Variants in CEP63 observed in about 807,000 individuals in gnomAD.
The protein encoded by CEP63 is centrosomal protein 63.
Under a neutral mutation model 89.1 loss-of-function variants are expected in CEP63, and 84 were observed. The observed-to-expected ratio is 0.94, with a 90% CI of 0.79 to 1.13. CEP63 has a LOEUF of 1.13. Ranked by LOEUF, CEP63 falls within the 50% of genes most tolerant of loss-of-function variation. The pLI, the probability that CEP63 is intolerant of heterozygous loss-of-function variation, is 0.00. For missense variants in CEP63, 838 were observed against 813.3 expected, an observed-to-expected ratio of 1.03 and a Z score of -0.37; for synonymous variants, 267 against 272.5, an observed-to-expected ratio of 0.98 and a Z score of 0.20.
chr3:134,579,160 G>A (rs1461414315), downstream of CEP63, among the ~76,000 whole-genome samples: 2 of 152,214 alleles, frequency 1.3e-5, no homozygotes, highest in African/African-American at 2.4e-5. Flanking sequence ...AACACATAGT[G>A]TGATTTCATG....
chr3:134,518,880 T>C (rs1946803690), intron 3 of CEP63, among the ~76,000 whole-genome samples: 1 of 151,690 alleles, frequency 6.6e-6, no homozygotes, highest in Non-Finnish European at 1.5e-5. Context: ...TCGAAAAAAA[T>C]TAATTAAATT....
chr3:134,532,634 T>C lies in CEP63; in HGVS notation c.319-144T>C, dbSNP rs184065397. ...TTGTTTTACATATTTAATTTTTAGT[T>C]TCCTTTTGTGTTTTAGTTTGGAAAT... On this transcript the variant is annotated intron_variant, in intron 4 of 14. Transcript: ENST00000675561. 2.5e-4 allele frequency: 150 copies of C among 601,450 alleles called. No homozygotes were observed. In the African/African-American group the frequency reaches 2.7e-3, roughly 11 times the overall value. 37.3% of individuals were successfully genotyped at this position (601,450 alleles called of 1,614,324 possible).
At chr3:134,716,311 T>A in the CEP63 span, among the ~76,000 whole-genome samples, 1 of 152,196 alleles carries the variant, frequency 6.6e-6, no homozygotes. Flanking sequence ...GATGCTCATA[T>A]TGTCAAGTGT....
At chr3:134,487,037 C>G (rs1435867900) in intron 1 of CEP63, among the ~76,000 whole-genome samples, 1 of 152,140 alleles carries the variant, frequency 6.6e-6, no homozygotes, top group Non-Finnish European at 1.5e-5. Flanking sequence ...CGCTGATATG[C>G]ACAGAGTAGT....
intron 3 of CEP63, among the ~76,000 whole-genome samples, chr3:134,513,783 C>T (rs1235502268): frequency 6.6e-6 from 1 of 152,108 alleles, no homozygotes; most frequent in Non-Finnish European, 1.5e-5. Flanking sequence ...CTTCAAACAT[C>T]TAAATCCCTG....
At chr3:134,753,548 C>T in the CEP63 span, among the ~76,000 whole-genome samples, 3 of 152,332 alleles carry the variant, frequency 2.0e-5, no homozygotes, top group Non-Finnish European at 2.9e-5. Flanking sequence ...GGGCCCATCA[C>T]CTAGAGCATA....
the CEP63 span, among the ~76,000 whole-genome samples, chr3:134,756,600 C>T: frequency 6.6e-6 from 1 of 152,160 alleles, no homozygotes; most frequent in African/African-American, 2.4e-5. Flanking sequence ...GTGATCTGCC[C>T]ACCTTGGCCT....
chr3:134,618,948 G>A, the CEP63 span, among the ~76,000 whole-genome samples: 2 of 152,270 alleles, frequency 1.3e-5, no homozygotes, highest in African/African-American at 2.4e-5. Flanking sequence ...AATGCATCGC[G>A]AAGCCCGGCA....
At chr3:134,578,335 T>TGTTTG (rs1560077868), downstream of CEP63, among the ~76,000 whole-genome samples, 2 of 30,520 alleles carry the variant, frequency 6.6e-5, no homozygotes, top group South Asian at 1.1e-3. Context: ...TTTTTTTTTT[T>TGTTTG]TTTTTTTTTT....
chr3:134,665,135 T>G, the CEP63 span, among the ~76,000 whole-genome samples: 1 of 152,222 alleles, frequency 6.6e-6, no homozygotes, highest in Non-Finnish European at 1.5e-5. Context: ...CACTCCAGAC[T>G]GGCTTCTTCT....
In CEP63 at chr3:134,513,586, CATT is replaced by C. The variant is rs201995417; in HGVS notation, c.222+6305_222+6307del. Reference sequence around the variant, plus strand: ...GGGAGGTGTGTCCAGGGTTTGGGGCCATTATTAACTGAAAATAAAGAAGGCAGC... The same window carrying C: ...GGGAGGTGTGTCCAGGGTTTGGGGCCATTAACTGAAAATAAAGAAGGCAGC... On this transcript the variant is annotated intron_variant, in intron 3 of 14. Transcript: ENST00000675561. Among the ~76,000 whole-genome samples the C allele has an allele frequency of 5.9e-3, 901 of 152,052 alleles. 21 individuals are homozygous for C. The South Asian group carries it at 0.074, about 12-fold the overall frequency.
At position 134,564,807 on chromosome 3, in the gene CEP63, A is replaced by G; in HGVS notation, c.*3272A>G. 1 of 985,350 alleles carries G rather than the reference A, an allele frequency of 1.0e-6. No individual in the cohort carries two copies. The highest frequency in any genetic ancestry group is 4.7e-5 in the South Asian group (1 of 21,286). 61.0% of individuals were successfully genotyped at this position (985,350 alleles called of 1,614,324 possible). On this transcript the variant is annotated 3_prime_UTR_variant, in exon 15 of 15. Coordinates refer to ENST00000675561, the MANE Select transcript of CEP63 (RefSeq NM_001353108.3). ...AGCCCGTTTCTGAAACGTTTGTACTACGTGTTGACTAGGAGGAACAATGAC... is the reference window on the plus strand; with the variant it reads ...AGCCCGTTTCTGAAACGTTTGTACTGCGTGTTGACTAGGAGGAACAATGAC...
upstream of CEP63, chr3:134,485,944 A>T: frequency 1.0e-6 from 1 of 979,390 alleles, no homozygotes; most frequent in Non-Finnish European, 1.2e-6. Context: ...GGCGCTGGAA[A>T]CCCTTACCGG....
chr3:134,506,039 A>G (rs1943362368), intron 2 of CEP63, among the ~76,000 whole-genome samples: 1 of 152,150 alleles, frequency 6.6e-6, no homozygotes, highest in Non-Finnish European at 1.5e-5. Flanking sequence ...GTTTGCCTAC[A>G]TCCTATCTTG....
the CEP63 span, among the ~76,000 whole-genome samples, chr3:134,691,090 C>A: frequency 6.6e-6 from 1 of 152,178 alleles, no homozygotes; most frequent in East Asian, 1.9e-4. Flanking sequence ...CATGGTGACT[C>A]ATGCCTGTAA....
At chr3:134,773,574 A>G in the CEP63 span, among the ~76,000 whole-genome samples, 2 of 152,292 alleles carry the variant, frequency 1.3e-5, no homozygotes, top group South Asian at 2.1e-4. Flanking sequence ...TCATTCTTAA[A>G]TCACAACTCA....
At chr3:134,568,473 C>T (rs1957878409), downstream of CEP63, among the ~76,000 whole-genome samples, 1 of 152,208 alleles carries the variant, frequency 6.6e-6, no homozygotes, top group African/African-American at 2.4e-5. Flanking sequence ...AGGGCAGTGG[C>T]TGGGGCAGGA....
At chr3:134,768,157 G>A in the CEP63 span, among the ~76,000 whole-genome samples, 590 of 152,286 alleles carry the variant, frequency 3.9e-3, 3 homozygotes, top group Non-Finnish European at 6.3e-3. Flanking sequence ...GGAATCGGAA[G>A]CATCAAATGG....
the CEP63 span, among the ~76,000 whole-genome samples, chr3:134,740,054 T>C: frequency 6.6e-6 from 1 of 152,088 alleles, no homozygotes; most frequent in East Asian, 1.9e-4. Flanking sequence ...GATTGCTGTC[T>C]CCTGGGCTAG....
Sources: allele counts gnomAD v4.1 joint callset (sites outside exome capture counted in the v4.1 genomes callset), GRCh38; gene constraint gnomAD v4.1.1; transcripts MANE v1.5; gene names NCBI Gene and HGNC (gene_info 2026-07-23, HGNC 2026-07-21).